The following LRRC7 variants were observed in gnomAD, a reference collection of about 807,000 sequenced individuals.
The protein encoded by LRRC7 is leucine-rich repeat-containing protein 7.
LRRC7 carries 23 observed loss-of-function variants against 175.7 expected under a neutral mutation model. The observed-to-expected ratio is 0.13, with a 90% CI of 0.09 to 0.19. The LOEUF (loss-of-function observed/expected upper bound fraction) is 0.19, where lower values mean the gene tolerates loss of function less well. Ranked by LOEUF, LRRC7 falls within the 10% of genes least tolerant of loss-of-function variation. LRRC7 has a pLI of 1.00. For missense variants in LRRC7, 1,354 were observed against 1,904.7 expected, an observed-to-expected ratio of 0.71 and a Z score of 5.38; for synonymous variants, 685 against 680.9, an observed-to-expected ratio of 1.01 and a Z score of -0.09.
intron 7 of LRRC7, among the ~76,000 whole-genome samples, chr1:69,916,106 TA>T (rs36165768): frequency 1.5e-5 from 2 of 137,912 alleles, no homozygotes; most frequent in African/African-American, 2.7e-5. Context: ...ATTTTATATA[TA>T]ATATATATAT....
chr1:69,997,714 C>T (rs1283716682), intron 11 of LRRC7, among the ~76,000 whole-genome samples: 3 of 150,426 alleles, frequency 2.0e-5, no homozygotes, highest in African/African-American at 7.3e-5. Flanking sequence ...TATTGATTTG[C>T]ATATATTGAA....
chr1:69,651,439 T>C (rs1001895756), intron 1 of LRRC7, among the ~76,000 whole-genome samples: 3 of 152,212 alleles, frequency 2.0e-5, no homozygotes, highest in Non-Finnish European at 2.9e-5. Flanking sequence ...TTTGTCTTGC[T>C]GTATCTACCA....
chr1:69,972,258 C>A (rs1278490707), intron 8 of LRRC7, among the ~76,000 whole-genome samples: 1 of 152,154 alleles, frequency 6.6e-6, no homozygotes, highest in African/African-American at 2.4e-5. Flanking sequence ...GCAATAAAAA[C>A]AAAGATAAAT....
chr1:70,116,609 T>A (rs1273905578), intron 26 of LRRC7, among the ~76,000 whole-genome samples: 1 of 151,986 alleles, frequency 6.6e-6, no homozygotes, highest in Non-Finnish European at 1.5e-5. Context: ...AGGTTTTTTT[T>A]AAATACTAGA....
intron 8 of LRRC7, among the ~76,000 whole-genome samples, chr1:69,941,415 G>T (rs1648697268): frequency 6.6e-6 from 1 of 151,996 alleles, no homozygotes; most frequent in Admixed American, 6.6e-5. Context: ...GCAGTGTCAA[G>T]GTAGAGTCAG....
At chr1:69,814,194 G>C (rs902461403) in intron 4 of LRRC7, among the ~76,000 whole-genome samples, 1 of 151,904 alleles carries the variant, frequency 6.6e-6, no homozygotes, top group East Asian at 1.9e-4. Context: ...AAGATATCGT[G>C]TTTTGAAAAT....
At chr1:69,682,603 C>A (rs905606924) in intron 2 of LRRC7, among the ~76,000 whole-genome samples, 3 of 152,090 alleles carry the variant, frequency 2.0e-5, no homozygotes, top group Non-Finnish European at 4.4e-5. Context: ...ATGAGACAGG[C>A]ATTTTGGAGG....
At chr1:69,936,897 AT>A (rs765471227) in intron 8 of LRRC7, among the ~76,000 whole-genome samples, 8 of 152,060 alleles carry the variant, frequency 5.3e-5, no homozygotes, top group Non-Finnish European at 1.0e-4. Context: ...AAAGGAGATG[AT>A]TTAGTTCTTT....
chr1:69,995,152 T>C (rs12062605), intron 11 of LRRC7, among the ~76,000 whole-genome samples: 8,721 of 152,220 alleles, frequency 0.057, 495 homozygotes, highest in African/African-American at 0.15. Context: ...AAGTCTAACA[T>C]TGCCTTTTAA....
intron 8 of LRRC7, among the ~76,000 whole-genome samples, chr1:69,957,900 T>C (rs1266515628): frequency 6.6e-6 from 1 of 151,970 alleles, no homozygotes; most frequent in Non-Finnish European, 1.5e-5. Flanking sequence ...TTATCTACTC[T>C]AGAAATGAAA....
At chr1:69,927,798 T>A (rs1003696857) in intron 7 of LRRC7, among the ~76,000 whole-genome samples, 1 of 152,216 alleles carries the variant, frequency 6.6e-6, no homozygotes, top group African/African-American at 2.4e-5. Context: ...GAAGCCTTCT[T>A]CTCTCAACTC....
intron 4 of LRRC7, among the ~76,000 whole-genome samples, chr1:69,814,473 A>T (rs1349309070): frequency 6.6e-6 from 1 of 152,160 alleles, no homozygotes; most frequent in Non-Finnish European, 1.5e-5. Flanking sequence ...GCCAGACATG[A>T]TACTCAGTGT....
chr1:69,768,093 GGT>G (rs2100974530), intron 3 of LRRC7, among the ~76,000 whole-genome samples: 1 of 152,246 alleles, frequency 6.6e-6, no homozygotes, highest in East Asian at 1.9e-4. Context: ...TTATCACAAA[GGT>G]GTTTTAGGCT....
At chr1:69,648,503 G>A (rs1028314468) in intron 1 of LRRC7, among the ~76,000 whole-genome samples, 1 of 152,180 alleles carries the variant, frequency 6.6e-6, no homozygotes, top group African/African-American at 2.4e-5. Context: ...ACCAGTGGGA[G>A]ACACTGGTTG....
intron 24 of LRRC7, among the ~76,000 whole-genome samples, chr1:70,088,012 G>A (rs1396523395): frequency 2.0e-5 from 3 of 152,144 alleles, no homozygotes. Context: ...AAAATGTAAA[G>A]AGTGTTTTGG....
At chr1:69,858,249 A>G (rs1312162863) in intron 7 of LRRC7, among the ~76,000 whole-genome samples, 4 of 152,198 alleles carry the variant, frequency 2.6e-5, no homozygotes, top group Admixed American at 2.0e-4. Context: ...ACAAAAGCCA[A>G]AATTGACAAA....
chr1:69,897,357 C>T (rs979454302), intron 7 of LRRC7, among the ~76,000 whole-genome samples: 40 of 152,210 alleles, frequency 2.6e-4, no homozygotes, highest in Middle Eastern at 3.4e-3. Context: ...TTTCTTTGGG[C>T]ACTTTACATG....
intron 5 of LRRC7, among the ~76,000 whole-genome samples, chr1:69,830,757 A>G (rs1341662346): frequency 1.3e-5 from 2 of 151,980 alleles, no homozygotes; most frequent in African/African-American, 4.8e-5. Context: ...TAAATAAGAC[A>G]TACTATGTAA....
intron 8 of LRRC7, among the ~76,000 whole-genome samples, chr1:69,948,974 C>T (rs1361685978): frequency 6.6e-6 from 1 of 152,108 alleles, no homozygotes; most frequent in Non-Finnish European, 1.5e-5. Flanking sequence ...AGTGAGATAA[C>T]TCTAAGTACT....
Sources: gnomAD v4.1 joint callset for allele counts (sites outside exome capture counted in the v4.1 genomes callset) on GRCh38, gnomAD v4.1.1 for gene constraint, MANE v1.5 for transcripts, NCBI Gene and HGNC (gene_info 2026-07-23, HGNC 2026-07-21) for gene names.